NTRK2: variants seen among roughly 807,000 people sequenced by gnomAD.
The protein encoded by NTRK2 is neurotrophic receptor tyrosine kinase 2.
In NTRK2, 13 loss-of-function variants were observed where a neutral mutation model predicts 94.5. The observed-to-expected ratio is 0.14, with a 90% CI of 0.09 to 0.22. NTRK2 has a LOEUF of 0.22. Among genes scored for constraint, NTRK2 ranks in the 10% least tolerant of loss-of-function variants. NTRK2 has a pLI of 1.00. For missense variants in NTRK2, 639 were observed against 1,071.2 expected, an observed-to-expected ratio of 0.60 and a Z score of 5.63; for synonymous variants, 372 against 407.4, an observed-to-expected ratio of 0.91 and a Z score of 1.05.
intron 12 of NTRK2, among the ~76,000 whole-genome samples, chr9:84,858,851 G>A (rs990653406): frequency 1.6e-4 from 24 of 152,174 alleles, no homozygotes; most frequent in African/African-American, 5.5e-4. Flanking sequence ...TTTGGAGCAT[G>A]GGAAATGCAA....
chr9:85,021,658 A>C lies in NTRK2; in HGVS notation c.*221A>C. The C allele has an allele frequency of 1.8e-6, 1 of 562,252 alleles. No individual in the cohort carries two copies. Among genetic ancestry groups the C allele is most frequent in the Non-Finnish European group, 3.2e-6 (1 of 316,876 alleles). 34.8% of individuals were successfully genotyped at this position (562,252 alleles called of 1,614,324 possible). ...TGGCATTATCTCTTTCTCTCTTTCC[A>C]TCTCCCTTGGTTGTTCCTTTTTCTT... is the stretch of plus-strand genomic sequence containing the variant. On this transcript the variant is annotated 3_prime_UTR_variant, in exon 19 of 19. Transcript: ENST00000277120.
At chr9:84,897,721 C>T (rs1391121795) in intron 14 of NTRK2, among the ~76,000 whole-genome samples, 1 of 152,214 alleles carries the variant, frequency 6.6e-6, no homozygotes, top group East Asian at 1.9e-4. Context: ...CACACCCTCA[C>T]AAACCACTTC....
chr9:84,902,423 A>G (rs1324679475), intron 14 of NTRK2, among the ~76,000 whole-genome samples: 1 of 152,096 alleles, frequency 6.6e-6, no homozygotes, highest in African/African-American at 2.4e-5. Flanking sequence ...ACACTTCAGG[A>G]GAAGGAGAGG....
intron 13 of NTRK2, among the ~76,000 whole-genome samples, chr9:84,865,421 A>G (rs2075544346): frequency 6.6e-6 from 1 of 152,120 alleles, no homozygotes; most frequent in African/African-American, 2.4e-5. Flanking sequence ...GGAATGTCCA[A>G]CTGTTATCAC....
intron 17 of NTRK2, 35 bp downstream of exon 17, chr9:84,955,552 C>T: frequency 6.5e-7 from 1 of 1,542,570 alleles, no homozygotes; most frequent in Admixed American, 1.7e-5. Flanking sequence ...CCCCAGGGAC[C>T]TCTTTCCCTG....
intron 11 of NTRK2, among the ~76,000 whole-genome samples, chr9:84,745,955 C>A (rs1386288517): frequency 6.6e-6 from 1 of 152,106 alleles, no homozygotes; most frequent in Admixed American, 6.5e-5. Flanking sequence ...CCAACAACTT[C>A]CTCCAGTTGT....
intron 14 of NTRK2, among the ~76,000 whole-genome samples, chr9:84,902,636 T>G (rs1360767221): frequency 1.3e-5 from 2 of 152,224 alleles, no homozygotes; most frequent in Non-Finnish European, 2.9e-5. Flanking sequence ...TCCACAGGAC[T>G]AGTACTACAA....
intron 12 of NTRK2, among the ~76,000 whole-genome samples, chr9:84,774,880 A>C (rs2066883165): frequency 6.6e-6 from 1 of 152,212 alleles, no homozygotes; most frequent in Admixed American, 6.6e-5. Flanking sequence ...GAGAGGATGA[A>C]GAGAGAGAGG....
At chr9:84,799,132 T>C (rs2133355929) in intron 12 of NTRK2, among the ~76,000 whole-genome samples, 1 of 152,052 alleles carries the variant, frequency 6.6e-6, no homozygotes, top group East Asian at 1.9e-4. Context: ...CTGTTCTCCA[T>C]CTTCACATCA....
At chr9:84,845,663 T>C (rs913017150) in intron 12 of NTRK2, among the ~76,000 whole-genome samples, 2 of 152,084 alleles carry the variant, frequency 1.3e-5, no homozygotes, top group African/African-American at 4.8e-5. Flanking sequence ...TGAAGTAACA[T>C]AGGAATGAAA....
At chr9:84,854,189 C>A (rs554829651) in intron 12 of NTRK2, among the ~76,000 whole-genome samples, 2 of 151,944 alleles carry the variant, frequency 1.3e-5, no homozygotes, top group African/African-American at 4.8e-5. Context: ...GGGTAAATGA[C>A]CCAGCTTCCT....
At chr9:84,712,114 ACATTGGTTCAGCAAC>A in intron 6 of NTRK2, among the ~76,000 whole-genome samples, 1 of 152,154 alleles carries the variant, frequency 6.6e-6, no homozygotes, top group East Asian at 1.9e-4. Context: ...AGTTGTGGCC[ACATTGGTTCAGCAAC>A]CACTGAGAGG....
At chr9:84,747,256 T>C (rs1458758790) in intron 11 of NTRK2, among the ~76,000 whole-genome samples, 1 of 152,140 alleles carries the variant, frequency 6.6e-6, no homozygotes, top group Non-Finnish European at 1.5e-5. Flanking sequence ...TAGATGACTA[T>C]ATGCATTACA....
chr9:84,926,718 A>G (rs1172599263), intron 14 of NTRK2, among the ~76,000 whole-genome samples: 2 of 151,802 alleles, frequency 1.3e-5, no homozygotes, highest in African/African-American at 2.4e-5. Flanking sequence ...ATCTATTTTT[A>G]CATGTTCGTG....
chr9:84,862,997 A>T (rs981139282), intron 13 of NTRK2, among the ~76,000 whole-genome samples: 2 of 152,102 alleles, frequency 1.3e-5, no homozygotes, highest in Non-Finnish European at 2.9e-5. Flanking sequence ...GTTGGTTTGC[A>T]TTTGAAAGGC....
chr9:85,019,599 G>A (rs1474008851), intron 17 of NTRK2, among the ~76,000 whole-genome samples: 1 of 152,238 alleles, frequency 6.6e-6, no homozygotes, highest in Non-Finnish European at 1.5e-5. Context: ...GCAGTGCCCT[G>A]TAATAGAGGA....
At chr9:84,983,292 C>A (rs1025927232) in intron 17 of NTRK2, among the ~76,000 whole-genome samples, 1 of 152,180 alleles carries the variant, frequency 6.6e-6, no homozygotes, top group Non-Finnish European at 1.5e-5. Context: ...CACTTAGGCA[C>A]AGGCTCTGTC....
intron 4 of NTRK2, among the ~76,000 whole-genome samples, chr9:84,707,065 G>T (rs1018159495): frequency 6.6e-6 from 1 of 152,156 alleles, no homozygotes; most frequent in African/African-American, 2.4e-5. Context: ...GGCTGCCAGG[G>T]TTATGGCTCT....
intron 12 of NTRK2, among the ~76,000 whole-genome samples, chr9:84,820,946 G>C (rs1395854844): frequency 1.3e-5 from 2 of 152,140 alleles, no homozygotes; most frequent in African/African-American, 4.8e-5. Flanking sequence ...TTCTGGCATT[G>C]TTTCTCTGAG....
Sources: gnomAD v4.1 joint callset for allele counts (sites outside exome capture counted in the v4.1 genomes callset) on GRCh38, gnomAD v4.1.1 for gene constraint, MANE v1.5 for transcripts, NCBI Gene and HGNC (gene_info 2026-07-23, HGNC 2026-07-21) for gene names.